The following STX8 variants were observed in gnomAD, a reference collection of about 807,000 sequenced individuals.
The protein encoded by STX8 is syntaxin-8.
Under a neutral mutation model 37.5 loss-of-function variants are expected in STX8, and 23 were observed. The ratio of observed to expected loss-of-function variants is 0.61; its 90% confidence interval spans 0.44 to 0.87. The LOEUF is 0.87. Ranked by LOEUF, STX8 falls within the 40% of genes least tolerant of loss-of-function variation. STX8 has a pLI of 0.00. For synonymous variants in STX8, 115 were observed against 99.1 expected (o/e 1.16, Z -0.95); for missense variants, 313 against 284.7 (o/e 1.10, Z -0.71).
intron 7 of STX8, among the ~76,000 whole-genome samples, chr17:9,331,745 G>A (rs1393163213): frequency 6.6e-6 from 1 of 151,896 alleles, no homozygotes; most frequent in Non-Finnish European, 1.5e-5. Context: ...TGCTAAACAC[G>A]CCCTGTTTTT....
intron 4 of STX8, among the ~76,000 whole-genome samples, chr17:9,522,763 G>A (rs1363770057): frequency 1.3e-5 from 2 of 151,890 alleles, no homozygotes; most frequent in Non-Finnish European, 2.9e-5. Flanking sequence ...GTGGTTACCA[G>A]AGGCTGGGAA....
At chr17:9,388,141 G>A (rs910990233) in intron 6 of STX8, among the ~76,000 whole-genome samples, 2 of 146,782 alleles carry the variant, frequency 1.4e-5, no homozygotes, top group African/African-American at 2.5e-5. Context: ...GTGTGATCTC[G>A]GCTCACTGCA....
chr17:9,453,523 C>T (rs1905105521), intron 6 of STX8, among the ~76,000 whole-genome samples: 1 of 136,402 alleles, frequency 7.3e-6, no homozygotes, highest in Admixed American at 7.7e-5. Flanking sequence ...GATGGGGTCT[C>T]ACTCTGTTGC....
intron 6 of STX8, among the ~76,000 whole-genome samples, chr17:9,416,394 G>A (rs1407172286): frequency 6.9e-6 from 1 of 144,536 alleles, no homozygotes; most frequent in Non-Finnish European, 1.5e-5. Flanking sequence ...TTTTAAGATG[G>A]AGTCTCGCTC....
At chr17:9,359,675 TA>T (rs1320135637) in intron 7 of STX8, among the ~76,000 whole-genome samples, 1 of 151,558 alleles carries the variant, frequency 6.6e-6, no homozygotes, top group African/African-American at 2.4e-5. Context: ...GCCCGGCTAA[TA>T]TTTTTGTATT....
rs142433582 is a variant in STX8, at chr17:9,260,627, AAAACAAAC to A, written c.644-9990_644-9983del. ...CAACAGAGTGAGACTCCGTCTCAGA[AAAACAAAC>A]AAACAAACAAACAAACAAACAACTG... is the stretch of plus-strand genomic sequence containing the variant. On this transcript the variant is annotated intron_variant, in intron 7 of 7. Transcript: ENST00000306357. Among the ~76,000 whole-genome samples, 863 of 139,152 alleles carry A rather than the reference AAAACAAAC, an allele frequency of 6.2e-3. 6 individuals carry two copies. Among genetic ancestry groups the A allele is most frequent in the South Asian group, 0.03 (136 of 4,486 alleles). The allele number at this position is 139,152 out of a possible 152,430, so 91.3% of individuals were successfully genotyped here.
At chr17:9,551,964 AAG>A (rs1906780895) in intron 3 of STX8, among the ~76,000 whole-genome samples, 1 of 152,312 alleles carries the variant, frequency 6.6e-6, no homozygotes, top group African/African-American at 2.4e-5. Context: ...GAAAAAAAAA[AAG>A]AAACAAAACT....
At chr17:9,533,160 A>AT (rs1905884740) in intron 4 of STX8, among the ~76,000 whole-genome samples, 1 of 152,246 alleles carries the variant, frequency 6.6e-6, no homozygotes, top group African/African-American at 2.4e-5. Context: ...AACTGTATCA[A>AT]TGTGTCACGT....
intron 6 of STX8, among the ~76,000 whole-genome samples, chr17:9,449,289 G>A (rs536078174): frequency 1.8e-4 from 28 of 152,244 alleles, no homozygotes; most frequent in East Asian, 1.7e-3. Flanking sequence ...TGCCGGGTGC[G>A]GTGGCTCACA....
At chr17:9,334,761 T>C (rs1910083507) in intron 7 of STX8, among the ~76,000 whole-genome samples, 3 of 152,130 alleles carry the variant, frequency 2.0e-5, no homozygotes, top group Non-Finnish European at 4.4e-5. Context: ...GGCACTCTGA[T>C]GAGGGTCAAA....
At position 9,359,545 on chromosome 17, in the gene STX8, T is replaced by A. The variant is rs140060197; in HGVS notation, c.643+19007A>T. Among the ~76,000 whole-genome samples the A allele has an allele frequency of 4.4e-3, 637 of 146,308 alleles. 21 individuals are homozygous for A. In the East Asian group the frequency reaches 0.068, roughly 16 times the overall value. ...TTTTTTGGGACAGAGTCTTGCTCTG[T>A]CGCCCAGGCTGGAGTGCAGTGGTGC... On this transcript the variant is annotated intron_variant, in intron 7 of 7. Transcript: ENST00000306357.
At chr17:9,284,304 G>A (rs1319244734) in intron 7 of STX8, among the ~76,000 whole-genome samples, 2 of 152,164 alleles carry the variant, frequency 1.3e-5, no homozygotes, top group African/African-American at 2.4e-5. Context: ...CTTGCCTTGT[G>A]TAAATCTTCA....
intron 6 of STX8, among the ~76,000 whole-genome samples, chr17:9,380,613 G>A (rs970587979): frequency 4.0e-5 from 6 of 151,204 alleles, no homozygotes; most frequent in East Asian, 1.9e-4. Context: ...GTCGATGACC[G>A]ACCACATCTA....
chr17:9,504,474 A>G (rs1293150147), intron 5 of STX8, among the ~76,000 whole-genome samples: 2 of 152,170 alleles, frequency 1.3e-5, no homozygotes, highest in South Asian at 2.1e-4. Context: ...AGTAAAGAGC[A>G]TAAGCATCAA....
At chr17:9,434,470 C>T (rs1904352492) in intron 6 of STX8, among the ~76,000 whole-genome samples, 1 of 152,206 alleles carries the variant, frequency 6.6e-6, no homozygotes, top group South Asian at 2.1e-4. Flanking sequence ...GGAAACCCAG[C>T]TAGGTATAGC....
At chr17:9,438,573 C>CGT (rs1904526757) in intron 6 of STX8, among the ~76,000 whole-genome samples, 1 of 152,074 alleles carries the variant, frequency 6.6e-6, no homozygotes, top group Admixed American at 6.6e-5. Context: ...TTTTGTAGGC[C>CGT]ATACGTCTCT....
In STX8 at chr17:9,330,795, C is replaced by G. The variant is rs187241605; in HGVS notation, c.643+47757G>C. 3.5e-4 allele frequency among the ~76,000 whole-genome samples: 53 copies of G among 152,270 alleles called. No homozygotes were observed. The South Asian group carries it at 0.011, about 30-fold the overall frequency. ...CCTATTCAGAGGGGGCTGCAGCTTG[C>G]GCGTAATGGGCCCCCTACAGACAAA... On this transcript the variant is annotated intron_variant, in intron 7 of 7. Coordinates refer to ENST00000306357, the MANE Select transcript of STX8 (RefSeq NM_004853.3).
chr17:9,470,561 TTCTG>T (rs1206940146), intron 6 of STX8, among the ~76,000 whole-genome samples: 1 of 152,190 alleles, frequency 6.6e-6, no homozygotes, highest in Non-Finnish European at 1.5e-5. Flanking sequence ...TTCACCTTCT[TTCTG>T]TATCTTTTTC....
chr17:9,396,540 G>A (rs541059664), intron 6 of STX8, among the ~76,000 whole-genome samples: 7 of 151,994 alleles, frequency 4.6e-5, no homozygotes, highest in East Asian at 3.9e-4. Context: ...GTGAGACCCC[G>A]TCTCTATTAA....
Sources: gnomAD v4.1 joint callset for allele counts (sites outside exome capture counted in the v4.1 genomes callset) on GRCh38, gnomAD v4.1.1 for gene constraint, MANE v1.5 for transcripts, NCBI Gene and HGNC (gene_info 2026-07-23, HGNC 2026-07-21) for gene names.